Variants in ANK2 observed in about 807,000 individuals in gnomAD.
ANK2 encodes ankyrin-2.
ANK2 carries 83 observed loss-of-function variants against 360.5 expected under a neutral mutation model. That is an observed-to-expected ratio of 0.23 (90% CI 0.19 to 0.28). The LOEUF (loss-of-function observed/expected upper bound fraction) is 0.28, where lower values mean the gene tolerates loss of function less well. Among genes scored for constraint, ANK2 ranks in the 10% least tolerant of loss-of-function variants. ANK2 has a pLI of 1.00. For missense variants in ANK2, 4,201 were observed against 4,795.7 expected (o/e 0.88, Z 3.66); for synonymous variants, 1,740 against 1,759.5 (o/e 0.99, Z 0.28).
chr4:113,050,051 A>C (rs904714111), intron 1 of ANK2, among the ~76,000 whole-genome samples: 8 of 152,200 alleles, frequency 5.3e-5, no homozygotes, highest in African/African-American at 1.7e-4. Flanking sequence ...AATAGAGATA[A>C]GGTGTGTTCC....
chr4:112,827,072 C>G, intron 1 of ANK2: 1 of 1,182,740 alleles, frequency 8.5e-7, no homozygotes, highest in East Asian at 2.3e-5. Context: ...AACTTGATCA[C>G]CCATGCAACA....
At chr4:112,940,567 A>G (rs1228170653) in intron 2 of ANK2, among the ~76,000 whole-genome samples, 1 of 152,036 alleles carries the variant, frequency 6.6e-6, no homozygotes, top group Non-Finnish European at 1.5e-5. Flanking sequence ...CATTTTTCAG[A>G]CTCTCTCAAA....
chr4:112,849,534 A>G (rs2064130317), intron 1 of ANK2, among the ~76,000 whole-genome samples: 1 of 151,954 alleles, frequency 6.6e-6, no homozygotes. Context: ...CTTCTTTGTT[A>G]TCTCTTACCT....
chr4:112,888,770 C>T (rs2079109970), intron 1 of ANK2, among the ~76,000 whole-genome samples: 1 of 152,166 alleles, frequency 6.6e-6, no homozygotes, highest in Non-Finnish European at 1.5e-5. Context: ...TACAACATGA[C>T]AAATGTTTTT....
chr4:113,002,118 C>G (rs1209929175), intron 2 of ANK2, among the ~76,000 whole-genome samples: 1 of 152,096 alleles, frequency 6.6e-6, no homozygotes, highest in Non-Finnish European at 1.5e-5. Flanking sequence ...TGGTGTGCTG[C>G]ACCCACTAAC....
intron 1 of ANK2, among the ~76,000 whole-genome samples, chr4:112,843,517 T>C (rs2062622842): frequency 6.6e-6 from 1 of 152,122 alleles, no homozygotes; most frequent in Non-Finnish European, 1.5e-5. Context: ...AAACAAAACA[T>C]TGCATGTGCC....
chr4:112,890,246 T>G (rs1326998885), intron 1 of ANK2, among the ~76,000 whole-genome samples: 1 of 152,192 alleles, frequency 6.6e-6, no homozygotes, highest in Non-Finnish European at 1.5e-5. Context: ...GAAAGAGCTT[T>G]CTTTATGTAC....
intron 2 of ANK2, among the ~76,000 whole-genome samples, chr4:113,006,902 A>G (rs2053078044): frequency 6.6e-6 from 1 of 152,138 alleles, no homozygotes; most frequent in South Asian, 2.1e-4. Flanking sequence ...AACCTGACTG[A>G]CACATTTCTC....
intron 1 of ANK2, among the ~76,000 whole-genome samples, chr4:113,112,879 C>T (rs909331084): frequency 1.3e-5 from 2 of 152,176 alleles, no homozygotes; most frequent in Admixed American, 6.6e-5. Context: ...TGGGCATTCT[C>T]ATTTTAGCCA....
intron 4 of ANK2, among the ~76,000 whole-genome samples, chr4:113,225,788 C>G (rs965690274): frequency 2.0e-5 from 3 of 152,128 alleles, no homozygotes; most frequent in African/African-American, 7.2e-5. Flanking sequence ...AGCTCTTGCA[C>G]ATTCAATTTG....
Position 113,374,802 on chromosome 4 carries a change from A to T in ANK2, c.11859+1353A>T, listed in dbSNP as rs1180228383. Reference sequence around the variant, plus strand: ...AGCCCAGCATTTTGTCCAGTACCTCACAATTTCAGGCTGAGCCAGTGGAAG... The same window carrying T: ...AGCCCAGCATTTTGTCCAGTACCTCTCAATTTCAGGCTGAGCCAGTGGAAG... On this transcript the variant is annotated intron_variant, in intron 45 of 45. Coordinates refer to ENST00000357077, the MANE Select transcript of ANK2 (RefSeq NM_001148.6). 2.5e-6 allele frequency: 3 copies of T among 1,219,360 alleles called. No homozygotes were observed. In the Admixed American group the frequency reaches 8.0e-5, roughly 33 times the overall value. 75.5% of individuals were successfully genotyped at this position (1,219,360 alleles called of 1,614,324 possible).
At chr4:112,758,281 C>T in the ANK2 span, among the ~76,000 whole-genome samples, 1 of 152,120 alleles carries the variant, frequency 6.6e-6, no homozygotes, top group South Asian at 2.1e-4. Context: ...AATTATTTTT[C>T]CGATTTATAG....
chr4:113,143,229 A>C (rs1176381995), intron 1 of ANK2, among the ~76,000 whole-genome samples: 1 of 152,290 alleles, frequency 6.6e-6, no homozygotes, highest in East Asian at 1.9e-4. Flanking sequence ...TTAACACAAA[A>C]TAAGGGACTA....
At chr4:113,271,479 G>GACACACAT (rs1554389532) in intron 14 of ANK2, among the ~76,000 whole-genome samples, 1 of 150,318 alleles carries the variant, frequency 6.7e-6, no homozygotes, top group African/African-American at 2.4e-5. Context: ...TGCACGCACA[G>GACACACAT]ACACACACAC....
At chr4:113,048,910 C>A (rs2065708852), upstream of ANK2, among the ~76,000 whole-genome samples, 1 of 132,028 alleles carries the variant, frequency 7.6e-6, no homozygotes, top group African/African-American at 2.9e-5. Flanking sequence ...AGTTCTCCCC[C>A]TACCCAGACA....
the ANK2 span, among the ~76,000 whole-genome samples, chr4:112,760,594 A>G: frequency 0.02 from 3,068 of 150,792 alleles, 110 homozygotes; most frequent in African/African-American, 0.071. Flanking sequence ...CACAACGTGC[A>G]GGTTTGTTAC....
chr4:113,297,156 G>T (rs2072077614), intron 22 of ANK2, among the ~76,000 whole-genome samples: 2 of 152,038 alleles, frequency 1.3e-5, no homozygotes, highest in African/African-American at 4.8e-5. Context: ...CTAGTGTTAG[G>T]CAGCACAGCA....
rs536342236 is a variant in ANK2 at position 113,173,903 on chromosome 4, C to T, written c.85-513C>T. ...CCTCGGAGCTTTCTGTTATTCCCTT[C>T]TAATGAGACCAGATGACTGCCAAGT... is the stretch of plus-strand genomic sequence containing the variant. On this transcript the variant is annotated intron_variant, in intron 1 of 45. Transcript: ENST00000357077. 4 of 167,298 alleles carry T rather than the reference C, an allele frequency of 2.4e-5. No individual in the cohort carries two copies. The South Asian group carries it at 6.3e-4, about 26-fold the overall frequency. The allele number at this position is 167,298 out of a possible 1,614,324, so 10.4% of individuals were successfully genotyped here.
chr4:112,710,884 G>A, the ANK2 span, among the ~76,000 whole-genome samples: 2 of 146,990 alleles, frequency 1.4e-5, no homozygotes, highest in African/African-American at 2.5e-5. Context: ...GGTTAATGGA[G>A]AATCTTTTTG....
Sources: allele counts gnomAD v4.1 joint callset (sites outside exome capture counted in the v4.1 genomes callset), GRCh38; gene constraint gnomAD v4.1.1; transcripts MANE v1.5; gene names NCBI Gene and HGNC (gene_info 2026-07-23, HGNC 2026-07-21).